AGBL1: variants seen among roughly 807,000 people sequenced by gnomAD.
AGBL1 encodes AGBL carboxypeptidase 1.
AGBL1 carries 130 observed loss-of-function variants against 118.9 expected under a neutral mutation model. The observed-to-expected ratio is 1.09, with a 90% CI of 0.95 to 1.26. AGBL1 has a LOEUF of 1.26. Among genes scored for constraint, AGBL1 ranks in the 50% most tolerant of loss-of-function variants. AGBL1 has a pLI of 0.00. For synonymous variants in AGBL1, 555 were observed against 478.9 expected, an observed-to-expected ratio of 1.16 and a Z score of -2.08; for missense variants, 1,584 against 1,298.1, an observed-to-expected ratio of 1.22 and a Z score of -3.38.
chr15:86,380,540 C>T (rs2081100250), intron 17 of AGBL1, among the ~76,000 whole-genome samples: 1 of 117,118 alleles, frequency 8.5e-6, no homozygotes, highest in South Asian at 3.2e-4. Context: ...CCCTTCCTCG[C>T]TTCCTTCCTT....
intron 23 of AGBL1, among the ~76,000 whole-genome samples, chr15:86,982,501 G>A (rs2081241030): frequency 6.6e-6 from 1 of 150,676 alleles, no homozygotes; most frequent in Non-Finnish European, 1.5e-5. Flanking sequence ...CTTATACATG[G>A]ATTCTTTTCA....
At chr15:86,298,246 A>ATTATATTT (rs1555462936) in intron 17 of AGBL1, among the ~76,000 whole-genome samples, 1 of 69,784 alleles carries the variant, frequency 1.4e-5, no homozygotes, top group African/African-American at 6.5e-5. Flanking sequence ...GTCTGTGTAT[A>ATTATATTT]ATATATATAT....
intron 18 of AGBL1, among the ~76,000 whole-genome samples, chr15:86,512,829 T>C (rs930993122): frequency 6.6e-6 from 1 of 151,770 alleles, no homozygotes; most frequent in African/African-American, 2.4e-5. Context: ...CTTTCTACAC[T>C]AGGTTTTATT....
chr15:86,520,994 G>T (rs1334742446), intron 18 of AGBL1, among the ~76,000 whole-genome samples: 2 of 152,096 alleles, frequency 1.3e-5, no homozygotes, highest in African/African-American at 2.4e-5. Context: ...AGATGTCATT[G>T]CTATTAAAAA....
In AGBL1 at chr15:86,465,224, T is replaced by C. The variant is rs138987676; in HGVS notation, c.2556-57586T>C. Among the ~76,000 whole-genome samples, 314 of 152,314 alleles carry C rather than the reference T, an allele frequency of 2.1e-3. 2 individuals are homozygous for C. The highest frequency in any genetic ancestry group is 6.8e-3 in the Middle Eastern group (2 of 294). On this transcript the variant is annotated intron_variant, in intron 18 of 22. Coordinates refer to ENST00000614907, the MANE Select transcript of AGBL1 (RefSeq NM_001386094.1). ...CATCTCTGAACATAAATTGTGAAGA[T>C]TTATGGACATTTATCACTTCCCCAA...
At chr15:86,568,203 A>G (rs1301758854) in intron 21 of AGBL1, among the ~76,000 whole-genome samples, 1 of 152,074 alleles carries the variant, frequency 6.6e-6, no homozygotes, top group Non-Finnish European at 1.5e-5. Context: ...AGGTCAGGGT[A>G]TTTTAAATCA....
At chr15:86,635,337 C>CCTA (rs1163453745) in intron 21 of AGBL1, among the ~76,000 whole-genome samples, 13 of 76,744 alleles carry the variant, frequency 1.7e-4, no homozygotes, top group Non-Finnish European at 3.6e-4. Context: ...TCCTCCTCCT[C>CCTA]CTACTCCTCT....
At chr15:86,885,149 G>C (rs997994933) in intron 22 of AGBL1, among the ~76,000 whole-genome samples, 8 of 151,838 alleles carry the variant, frequency 5.3e-5, no homozygotes, top group African/African-American at 1.9e-4. Context: ...TCTTTGTTAT[G>C]ATTCTTATAA....
rs575162292 is a variant in AGBL1 at position 86,207,812 on chromosome 15, C to T, written c.489-17102C>T. Reference sequence around the variant, plus strand: ...AATTGAATACCCTTTATTTCTTTCTCTTGCCTGATTGCCCTGACCAGAACT... The same window carrying T: ...AATTGAATACCCTTTATTTCTTTCTTTTGCCTGATTGCCCTGACCAGAACT... On this transcript the variant is annotated intron_variant, in intron 5 of 22. Coordinates refer to ENST00000614907, the MANE Select transcript of AGBL1 (RefSeq NM_001386094.1). Among the ~76,000 whole-genome samples the T allele has an allele frequency of 1.5e-3, 224 of 152,266 alleles. 3 individuals are homozygous for T. In the South Asian group the frequency reaches 0.045, roughly 30 times the overall value.
chr15:86,831,844 A>G (rs538666560), intron 22 of AGBL1, among the ~76,000 whole-genome samples: 5 of 152,264 alleles, frequency 3.3e-5, no homozygotes, highest in African/African-American at 1.2e-4. Flanking sequence ...TGCACCCCAC[A>G]TCTCCCTTTT....
intron 5 of AGBL1, among the ~76,000 whole-genome samples, chr15:86,209,699 T>G (rs992767493): frequency 3.9e-5 from 6 of 152,276 alleles, no homozygotes; most frequent in African/African-American, 1.2e-4. Flanking sequence ...ATTTTGAGCC[T>G]GTGTGTGTCT....
At chr15:86,545,525 T>A (rs1006880649) in intron 19 of AGBL1, among the ~76,000 whole-genome samples, 1 of 152,176 alleles carries the variant, frequency 6.6e-6, no homozygotes, top group African/African-American at 2.4e-5. Context: ...ACCCATTAGT[T>A]ATTTTTCCTT....
chr15:86,921,444 A>G (rs1340542838), intron 23 of AGBL1, among the ~76,000 whole-genome samples: 1 of 152,214 alleles, frequency 6.6e-6, no homozygotes, highest in East Asian at 1.9e-4. Context: ...TTTAGTTTCT[A>G]TAGGGAACCA....
chr15:86,827,462 T>C (rs186877673), intron 22 of AGBL1, among the ~76,000 whole-genome samples: 116 of 10,528 alleles, frequency 0.011, 12 homozygotes, highest in African/African-American at 0.087. Context: ...TATATATATA[T>C]ATATATACAT....
At chr15:86,143,011 G>A (rs1209439454) in intron 2 of AGBL1, among the ~76,000 whole-genome samples, 1 of 152,204 alleles carries the variant, frequency 6.6e-6, no homozygotes. Context: ...CGTACATAGA[G>A]AGAATCAACC....
chr15:87,022,315 A>G (rs557748571), intron 24 of AGBL1, among the ~76,000 whole-genome samples: 13 of 152,188 alleles, frequency 8.5e-5, no homozygotes, highest in Non-Finnish European at 1.6e-4. Flanking sequence ...AACCAAGAAG[A>G]ACTCCCTGAT....
chr15:86,464,081 T>A (rs976412933), intron 18 of AGBL1, among the ~76,000 whole-genome samples: 6 of 152,216 alleles, frequency 3.9e-5, no homozygotes, highest in African/African-American at 1.2e-4. Flanking sequence ...GAGCATGGAT[T>A]GGTTTTCCAT....
At chr15:86,840,858 C>T (rs1477750172) in intron 22 of AGBL1, among the ~76,000 whole-genome samples, 1 of 152,038 alleles carries the variant, frequency 6.6e-6, no homozygotes, top group Non-Finnish European at 1.5e-5. Flanking sequence ...TTTGTGTTTC[C>T]CTAGGTCATG....
At chr15:86,297,850 G>T (rs1187780557) in intron 17 of AGBL1, among the ~76,000 whole-genome samples, 2 of 152,032 alleles carry the variant, frequency 1.3e-5, no homozygotes, top group Admixed American at 6.6e-5. Context: ...CAAACGTGCT[G>T]ACTCCTTTGT....
Sources: allele counts gnomAD v4.1 joint callset (sites outside exome capture counted in the v4.1 genomes callset), GRCh38; gene constraint gnomAD v4.1.1; transcripts MANE v1.5; gene names NCBI Gene and HGNC (gene_info 2026-07-23, HGNC 2026-07-21).